The following RPS6 variants were observed in gnomAD, a reference collection of about 807,000 sequenced individuals.
RPS6 encodes small ribosomal subunit protein eS6.
A neutral mutation model predicts 27.1 loss-of-function variants in RPS6; 1 was observed. That is an observed-to-expected ratio of 0.04 (90% CI 0.01 to 0.18). RPS6 has a LOEUF of 0.18. Among genes scored for constraint, RPS6 ranks in the 10% least tolerant of loss-of-function variants. The probability of loss-of-function intolerance (pLI) is 1.00; values close to 1 mark genes in which losing one functional copy is unlikely to be tolerated. For synonymous variants in RPS6, 152 were observed against 106.0 expected, an observed-to-expected ratio of 1.43 and a Z score of -2.66; for missense variants, 259 against 319.1, an observed-to-expected ratio of 0.81 and a Z score of 1.44.
In RPS6 at chr9:19,380,196, C is replaced by T. The variant is rs779666077; in HGVS notation, c.-1G>A. The T allele has an allele frequency of 4.6e-5, 74 of 1,614,050 alleles. No homozygotes were observed. The highest frequency in any genetic ancestry group is 5.6e-5 in the Non-Finnish European group (66 of 1,180,036). ...ACTCGCCACCATCACCTACCTTCATCTTGAAGCAGCTGAACGCCTCCGAGG... is the reference window on the plus strand; with the variant it reads ...ACTCGCCACCATCACCTACCTTCATTTTGAAGCAGCTGAACGCCTCCGAGG... On this transcript the variant is annotated 5_prime_UTR_variant, in exon 1 of 6. Transcript: ENST00000380394.
chr9:19,376,159 T>C lies in RPS6; in HGVS notation c.*134A>G. 1 of 734,186 alleles carries C rather than the reference T, an allele frequency of 1.4e-6. No individual in the cohort carries two copies. The highest frequency in any genetic ancestry group is 1.8e-5 in the African/African-American group (1 of 56,354). 45.5% of individuals were successfully genotyped at this position (734,186 alleles called of 1,614,324 possible). On this transcript the variant is annotated 3_prime_UTR_variant, in exon 6 of 6. Coordinates refer to ENST00000380394, the MANE Select transcript of RPS6 (RefSeq NM_001010.3). Reference sequence around the variant, plus strand: ...CAATAGGTCTGACTTTATCCACCATTGGAATACCATATATACATATCCCCA... The same window carrying C: ...CAATAGGTCTGACTTTATCCACCATCGGAATACCATATATACATATCCCCA...
intron 4 of RPS6, among the ~76,000 whole-genome samples, chr9:19,377,900 T>C (rs998598271): frequency 2.0e-5 from 3 of 152,204 alleles, no homozygotes; most frequent in African/African-American, 7.2e-5. Context: ...CTCACGCCCA[T>C]AATCCCAGCA....
Position 19,376,579 on chromosome 9 carries a change from C to T in RPS6, c.569G>A (p.Arg190Gln), listed in dbSNP as rs749362897. The T allele has an allele frequency of 2.5e-6, 4 of 1,613,978 alleles. No homozygotes were observed. The highest frequency in any genetic ancestry group is 3.4e-6 in the Non-Finnish European group (4 of 1,180,048). The change falls in exon 5 of 6, where the codon CGG becomes CAG. Residue 190 changes from arginine to glutamine, a missense_variant. By Grantham distance (43) the Arg-to-Gln change is conservative (BLOSUM62 1). This residue lies in a region of RPS6 where 191 missense variants were observed against 231.6 expected (regional missense o/e 0.82). Transcript: ENST00000380394. Reference sequence around the variant, plus strand: ...ACGCTGCTTCTTCAGAGCAATACGCCGCCGTTTGTGCTGCAGGACACGTGG... The same window carrying T: ...ACGCTGCTTCTTCAGAGCAATACGCTGCCGTTTGTGCTGCAGGACACGTGG... ...VTPRVLQHKRRRIALKKQRTK... is the reference protein window; with the variant it reads ...VTPRVLQHKRQRIALKKQRTK...
intron 3 of RPS6, 21 bp from the exon 4 acceptor site, chr9:19,378,535 A>T: frequency 6.2e-7 from 1 of 1,605,720 alleles, no homozygotes; most frequent in South Asian, 1.1e-5. Context: ...ACAGTTGAAG[A>T]GATTTTAATT....
In RPS6 at chr9:19,378,473, G is replaced by A. The variant is rs1340510897; in HGVS notation, c.391C>T (p.Arg131Cys). 4.3e-6 allele frequency: 7 copies of A among 1,614,006 alleles called. No individual in the cohort carries two copies. The highest frequency in any genetic ancestry group is 2.7e-5 in the African/African-American group (2 of 74,906). Residue 131 changes from arginine to cysteine, a missense_variant, in exon 4 of 6, where the codon CGC becomes TGC. Physicochemically the swap from Arg to Cys is radical, Grantham distance 180 (BLOSUM62 -3). Transcript: ENST00000380394. ...CTAGCTCTTTTGGGGCCCAGGCGGC[G>A]AGGCACTGTAGTATCAGTCAGTCCA... ...IPGLTDTTVP[R>C]RLGPKRASRI...
chr9:19,379,230 G>A (rs886301651), intron 2 of RPS6: 8 of 1,303,856 alleles, frequency 6.1e-6, no homozygotes, highest in Non-Finnish European at 8.2e-6. Flanking sequence ...GGATTATGAG[G>A]ACAGCTATGT....
rs1563857368 is a variant in RPS6, at chr9:19,376,372, C to T, written c.671G>A (p.Arg224His). ...AKRMKEAKEK[R>H]QEQIAKRRRL... ...GCGTCTCTTCGCAATTTGTTCCTGG[C>T]GCTTCTCCTTAGCCTCCTAAACAAA... The change falls in exon 6 of 6, where the codon CGC becomes CAC. Residue 224 changes from arginine (R) to histidine (H), a missense_variant. Coordinates refer to ENST00000380394, the MANE Select transcript of RPS6 (RefSeq NM_001010.3). 8 of 1,614,116 alleles carry T rather than the reference C, an allele frequency of 5.0e-6. No homozygotes were observed. Among genetic ancestry groups the T allele is most frequent in the Admixed American group, 1.7e-5 (1 of 60,014 alleles).
At chr9:19,378,566 C>G in intron 3 of RPS6, 52 bp from the exon 4 acceptor site, 1 of 1,599,888 alleles carries the variant, frequency 6.3e-7, no homozygotes, top group Non-Finnish European at 8.5e-7. Context: ...CTTAAGAATC[C>G]TAAATCAGAA....
Position 19,377,012 on chromosome 9 carries a change from T to A in RPS6, c.497-361A>T, listed in dbSNP as rs1196128438. ...TCTACATAATCATCCTGCCATACTTTTAAATTTGATGTAAGCTTGCATCTC... is the reference window on the plus strand; with the variant it reads ...TCTACATAATCATCCTGCCATACTTATAAATTTGATGTAAGCTTGCATCTC... On this transcript the variant is annotated intron_variant, in intron 4 of 5. Transcript: ENST00000380394. Among the ~76,000 whole-genome samples, 7 of 152,230 alleles carry A rather than the reference T, an allele frequency of 4.6e-5. No individual in the cohort carries two copies. The East Asian group carries it at 1.3e-3, about 29-fold the overall frequency.
At chr9:19,379,320 TC>T (rs770487383) in intron 2 of RPS6, 166 bp downstream of exon 2, 36 of 1,505,380 alleles carry the variant, frequency 2.4e-5, no homozygotes, top group South Asian at 2.2e-4. Flanking sequence ...TTACTCTACG[TC>T]CCCCCCTCCA....
rs150265986 is a variant in RPS6 at position 19,379,435 on chromosome 9, T to C, written c.138+52A>G. ...CCCCATTCCAAATACCAGTTACCAA[T>C]GGCGTTTACCGTCTCTGACTTAAAT... On this transcript the variant is annotated intron_variant, in intron 2 of 5. Coordinates refer to ENST00000380394, the MANE Select transcript of RPS6 (RefSeq NM_001010.3). 6.0e-4 allele frequency: 972 copies of C among 1,609,830 alleles called. 3 individuals are homozygous for C. The African/African-American group carries it at 0.012, about 19-fold the overall frequency.
Position 19,376,324 on chromosome 9 carries a change from G to C in RPS6, c.719C>G (p.Ser240Cys). The change falls in exon 6 of 6, where the codon TCT becomes TGT. Residue 240 changes from serine to cysteine, a missense_variant. Coordinates refer to ENST00000380394, the MANE Select transcript of RPS6 (RefSeq NM_001010.3). Reference protein sequence around the residue: ...KRRRLSSLRASTSKSESSQK With the variant: ...KRRRLSSLRACTSKSESSQK ...CTGACTGGATTCAGACTTAGAAGTA[G>C]AAGCTCGCAGAGAGGAAAGTCTGCG... 3 of 1,614,002 alleles carry C rather than the reference G, an allele frequency of 1.9e-6. No homozygotes were observed. Among genetic ancestry groups the C allele is most frequent in the Non-Finnish European group, 2.5e-6 (3 of 1,180,004 alleles).
chr9:19,379,830 C>A, intron 1 of RPS6: 3 of 1,425,846 alleles, frequency 2.1e-6, no homozygotes, highest in Non-Finnish European at 2.7e-6. Flanking sequence ...CCCCTCAAGC[C>A]CCGCGGAATG....
intron 4 of RPS6, chr9:19,376,878 T>C: frequency 2.4e-6 from 1 of 412,264 alleles, no homozygotes; most frequent in Non-Finnish European, 4.3e-6. Context: ...TCCTGAAAAA[T>C]AACCAGGCTA....
chr9:19,377,141 C>T lies in RPS6; in HGVS notation c.497-490G>A, dbSNP rs555975415. ...ATCTTCATTAATCTGATCTGTACTC[C>T]AAAACTGCTCATGGATTACAGATCT... On this transcript the variant is annotated intron_variant, in intron 4 of 5. Transcript: ENST00000380394. Among the ~76,000 whole-genome samples the T allele has an allele frequency of 9.2e-5, 14 of 152,280 alleles. No homozygotes were observed. In the South Asian group the frequency reaches 1.7e-3, roughly 18 times the overall value.
intron 1 of RPS6, 84 bp downstream of exon 1, chr9:19,380,106 A>G (rs1829654440): frequency 2.5e-6 from 4 of 1,613,976 alleles, no homozygotes; most frequent in South Asian, 2.2e-5. Context: ...AGGATCCTGG[A>G]GTGCTGGAAC....
intron 5 of RPS6, 32 bp downstream of exon 5, chr9:19,376,461 TC>T: frequency 6.2e-7 from 1 of 1,612,194 alleles, no homozygotes; most frequent in Non-Finnish European, 8.5e-7. Context: ...CAGGTCGAAC[TC>T]CTCCCACCCC....
At position 19,379,626 on chromosome 9, in the gene RPS6, T is replaced by G. The variant is rs913274064; in HGVS notation, c.7-8A>C. On this transcript the variant is annotated splice_region_variant and splice_polypyrimidine_tract_variant and intron_variant, in intron 1 of 5. Coordinates refer to ENST00000380394, the MANE Select transcript of RPS6 (RefSeq NM_001010.3). ...TGGGAAGGAGATGTTCAGCTAAGGATTAAAAGGGGGGAAATAGTTTACGAA... is the reference window on the plus strand; with the variant it reads ...TGGGAAGGAGATGTTCAGCTAAGGAGTAAAAGGGGGGAAATAGTTTACGAA... 3 of 1,610,718 alleles carry G rather than the reference T, an allele frequency of 1.9e-6. No homozygotes were observed. The African/African-American group carries it at 4.0e-5, about 22-fold the overall frequency.
At chr9:19,377,057 T>C (rs1829600520) in intron 4 of RPS6, among the ~76,000 whole-genome samples, 1 of 152,248 alleles carries the variant, frequency 6.6e-6, no homozygotes, top group Non-Finnish European at 1.5e-5. Flanking sequence ...TGACAATTCC[T>C]GCCAATTCAG....
Sources: allele counts gnomAD v4.1 joint callset (sites outside exome capture counted in the v4.1 genomes callset), GRCh38; gene constraint gnomAD v4.1.1; regional missense constraint gnomAD v4.1.1; transcripts MANE v1.5; gene names NCBI Gene and HGNC (gene_info 2026-07-23, HGNC 2026-07-21).